MALRD1: variants seen among roughly 807,000 people sequenced by gnomAD.
MALRD1 encodes MAM and LDL-receptor class A domain-containing protein 1.
Under a neutral mutation model 242.1 loss-of-function variants are expected in MALRD1, and 247 were observed. The ratio of observed to expected loss-of-function variants is 1.02; its 90% CI spans 0.92 to 1.13. The LOEUF is 1.13. Among genes scored for constraint, MALRD1 ranks in the 50% most tolerant of loss-of-function variants. The pLI is 0.00. For missense variants in MALRD1, 2,989 were observed against 2,533.1 expected (o/e 1.18, Z -3.86); for synonymous variants, 995 against 866.6 (o/e 1.15, Z -2.60).
chr10:19,542,942 T>C (rs1193311113), intron 32 of MALRD1, among the ~76,000 whole-genome samples: 1 of 152,232 alleles, frequency 6.6e-6, no homozygotes, highest in African/African-American at 2.4e-5. Context: ...ACAACTTTTA[T>C]CAACAGTAAA....
chr10:19,234,652 A>G (rs536658562), intron 18 of MALRD1, among the ~76,000 whole-genome samples: 4 of 152,012 alleles, frequency 2.6e-5, no homozygotes, highest in Non-Finnish European at 4.4e-5. Flanking sequence ...GCGCTAATTC[A>G]TGTCTATTGG....
At chr10:19,695,876 C>CAGTT (rs1477858579) in intron 38 of MALRD1, among the ~76,000 whole-genome samples, 1 of 151,964 alleles carries the variant, frequency 6.6e-6, no homozygotes, top group African/African-American at 2.4e-5. Context: ...TAGGGGAACT[C>CAGTT]CCCTTTATAA....
intron 19 of MALRD1, among the ~76,000 whole-genome samples, chr10:19,275,144 A>T (rs1241157260): frequency 6.6e-6 from 1 of 152,134 alleles, no homozygotes; most frequent in Admixed American, 6.5e-5. Context: ...CTATAATAAC[A>T]ATTTATTTAG....
At chr10:19,519,593 A>T (rs1171530416) in intron 31 of MALRD1, among the ~76,000 whole-genome samples, 2 of 151,846 alleles carry the variant, frequency 1.3e-5, no homozygotes, top group African/African-American at 2.4e-5. Flanking sequence ...ACATAGTGAG[A>T]CCCTGTTGCT....
intron 21 of MALRD1, among the ~76,000 whole-genome samples, chr10:19,293,994 A>G (rs183914131): frequency 2.0e-5 from 3 of 152,290 alleles, no homozygotes; most frequent in Admixed American, 2.0e-4. Flanking sequence ...ATCTAAAATG[A>G]CACAGAGAGT....
At chr10:19,294,120 A>C (rs905160661) in intron 21 of MALRD1, among the ~76,000 whole-genome samples, 2 of 152,196 alleles carry the variant, frequency 1.3e-5, no homozygotes, top group African/African-American at 4.8e-5. Context: ...TAATAAAATA[A>C]TAACTTTTAT....
Position 19,223,631 on chromosome 10 carries a change from G to A in MALRD1, c.2991+13951G>A, listed in dbSNP as rs530773825. On this transcript the variant is annotated intron_variant, in intron 18 of 39. Transcript: ENST00000454679. ...GTGAAATAGGTATACATGTGCTGTCGTGGTTTGCTGCACCCATCAACCCGT... is the reference window on the plus strand; with the variant it reads ...GTGAAATAGGTATACATGTGCTGTCATGGTTTGCTGCACCCATCAACCCGT... Among the ~76,000 whole-genome samples the A allele has an allele frequency of 2.6e-5, 4 of 152,062 alleles. No individual in the cohort carries two copies. The South Asian group carries it at 8.3e-4, about 32-fold the overall frequency.
intron 32 of MALRD1, among the ~76,000 whole-genome samples, chr10:19,553,115 G>A (rs896965179): frequency 1.3e-4 from 19 of 151,890 alleles, no homozygotes; most frequent in Non-Finnish European, 2.2e-4. Flanking sequence ...ATATGCACTC[G>A]TGTTCACCTT....
chr10:19,243,690 C>A (rs568986098), intron 18 of MALRD1, among the ~76,000 whole-genome samples: 1 of 152,056 alleles, frequency 6.6e-6, no homozygotes, highest in Admixed American at 6.6e-5. Context: ...TGGGTCTTTA[C>A]CTCTCAGCAT....
At chr10:19,527,955 G>A (rs562567883) in intron 31 of MALRD1, among the ~76,000 whole-genome samples, 35 of 152,198 alleles carry the variant, frequency 2.3e-4, no homozygotes, top group African/African-American at 6.7e-4. Context: ...AAGAAAGTAC[G>A]TTTTTAATGA....
intron 24 of MALRD1, among the ~76,000 whole-genome samples, chr10:19,340,405 A>C (rs1422578913): frequency 6.6e-6 from 1 of 150,554 alleles, no homozygotes; most frequent in East Asian, 2.0e-4. Flanking sequence ...GGTTGAGCTT[A>C]GCAGGGCTTA....
chr10:19,455,369 G>GGA (rs1257639081), intron 29 of MALRD1, among the ~76,000 whole-genome samples: 1 of 152,082 alleles, frequency 6.6e-6, no homozygotes, highest in Non-Finnish European at 1.5e-5. Flanking sequence ...TGATACTCAG[G>GGA]GAGCTTACTA....
At chr10:19,238,351 A>ATG (rs1236495773) in intron 18 of MALRD1, among the ~76,000 whole-genome samples, 2 of 81,818 alleles carry the variant, frequency 2.4e-5, no homozygotes, top group South Asian at 4.2e-4. Context: ...ATTATACATA[A>ATG]TATATAATAC....
At chr10:19,274,386 A>G (rs945092341) in intron 19 of MALRD1, among the ~76,000 whole-genome samples, 1 of 152,196 alleles carries the variant, frequency 6.6e-6, no homozygotes, top group Non-Finnish European at 1.5e-5. Flanking sequence ...TCCAACCCCC[A>G]ACGTGATGGT....
chr10:19,591,556 T>G (rs983254618), intron 33 of MALRD1, among the ~76,000 whole-genome samples: 1 of 151,566 alleles, frequency 6.6e-6, no homozygotes, highest in East Asian at 1.9e-4. Flanking sequence ...TGGAGTGCAG[T>G]TGCACTATCT....
At chr10:19,500,093 C>T (rs1204390683) in intron 31 of MALRD1, among the ~76,000 whole-genome samples, 1 of 152,102 alleles carries the variant, frequency 6.6e-6, no homozygotes, top group African/African-American at 2.4e-5. Context: ...GTGGCTTTGC[C>T]AGATTTTAGT....
intron 18 of MALRD1, among the ~76,000 whole-genome samples, chr10:19,248,294 A>G (rs1057105347): frequency 1.3e-5 from 2 of 151,998 alleles, no homozygotes; most frequent in South Asian, 2.1e-4. Flanking sequence ...ATCTAAATTG[A>G]AAAAAGTGTT....
chr10:19,585,641 T>C (rs375397839), intron 33 of MALRD1, among the ~76,000 whole-genome samples: 177 of 152,252 alleles, frequency 1.2e-3, no homozygotes, highest in African/African-American at 3.6e-3. Context: ...CGACCTTTCT[T>C]TCTGGCTGCC....
At chr10:19,620,622 T>C (rs958527146) in intron 36 of MALRD1, among the ~76,000 whole-genome samples, 1 of 151,980 alleles carries the variant, frequency 6.6e-6, no homozygotes, top group Non-Finnish European at 1.5e-5. Flanking sequence ...CAAAAACTCC[T>C]TTGGAGAGTT....
Sources: allele counts gnomAD v4.1 joint callset (sites outside exome capture counted in the v4.1 genomes callset), GRCh38; gene constraint gnomAD v4.1.1; transcripts MANE v1.5; gene names NCBI Gene and HGNC (gene_info 2026-07-23, HGNC 2026-07-21).